Variants in GATAD1 observed in about 807,000 individuals in gnomAD.
The protein encoded by GATAD1 is GATA zinc finger domain-containing protein 1.
In GATAD1, 12 loss-of-function variants were observed where a neutral mutation model predicts 26.5. The observed-to-expected ratio is 0.45, with a 90% CI of 0.29 to 0.73. The LOEUF is 0.73. GATAD1 is among the 30% of genes least tolerant of loss of function. GATAD1 has a pLI of 0.10. For synonymous variants in GATAD1, 129 were observed against 133.1 expected, an observed-to-expected ratio of 0.97 and a Z score of 0.21; for missense variants, 266 against 342.1, an observed-to-expected ratio of 0.78 and a Z score of 1.75.
the GATAD1 span, chr7:92,487,240 TA>T: frequency 3.1e-6 from 1 of 319,800 alleles, no homozygotes; most frequent in Non-Finnish European, 5.6e-6. Context: ...TTTTAGGAAA[TA>T]AAATATGGAA....
At chr7:92,468,046 G>T in the GATAD1 span, among the ~76,000 whole-genome samples, 1 of 152,196 alleles carries the variant, frequency 6.6e-6, no homozygotes, top group Non-Finnish European at 1.5e-5. Flanking sequence ...GGGGTTCTTG[G>T]CCTTATGGAT....
the GATAD1 span, chr7:92,494,120 A>G: frequency 1.6e-6 from 1 of 619,344 alleles, no homozygotes. Context: ...GGCCAAAAAA[A>G]GGCTTTGCAT....
At chr7:92,485,145 A>G in the GATAD1 span, among the ~76,000 whole-genome samples, 2 of 152,134 alleles carry the variant, frequency 1.3e-5, no homozygotes, top group African/African-American at 2.4e-5. Flanking sequence ...CAATGGTGGA[A>G]TGTCATCAGT....
the GATAD1 span, chr7:92,491,597 C>A: frequency 1.3e-6 from 1 of 765,446 alleles, no homozygotes; most frequent in Non-Finnish European, 2.2e-6. Context: ...TAGAGCAATA[C>A]AAGAAACTTA....
At chr7:92,483,870 A>G in the GATAD1 span, among the ~76,000 whole-genome samples, 3 of 152,048 alleles carry the variant, frequency 2.0e-5, no homozygotes, top group African/African-American at 4.8e-5. Context: ...CGGCCTGGTG[A>G]GGAGCAGCCT....
the GATAD1 span, among the ~76,000 whole-genome samples, chr7:92,486,090 G>A: frequency 2.6e-5 from 4 of 152,166 alleles, no homozygotes; most frequent in Admixed American, 2.6e-4. Flanking sequence ...AGAGTGCAGG[G>A]ATGTGGCCTC....
At chr7:92,449,403 G>C in intron 2 of GATAD1, 1 of 983,282 alleles carries the variant, frequency 1.0e-6, no homozygotes, top group South Asian at 4.7e-5. Context: ...TCTGCTCTAA[G>C]AAAAGAGATT....
At chr7:92,454,038 A>C (rs183526168) in intron 3 of GATAD1, 1 of 186,754 alleles carries the variant, frequency 5.4e-6, no homozygotes. Context: ...TGATGATGCT[A>C]TGTCAGTGTA....
chr7:92,466,448 A>T, the GATAD1 span, among the ~76,000 whole-genome samples: 1 of 152,228 alleles, frequency 6.6e-6, no homozygotes, highest in South Asian at 2.1e-4. Context: ...GGCATAAGCC[A>T]CCACACCCAG....
At chr7:92,451,479 G>C (rs1789427698) in intron 3 of GATAD1, among the ~76,000 whole-genome samples, 1 of 152,220 alleles carries the variant, frequency 6.6e-6, no homozygotes. Context: ...CTGTCATTTA[G>C]GGGACAGTGG....
chr7:92,456,337 A>C, intron 4 of GATAD1, 35 bp from the exon 5 acceptor site: 1 of 1,420,494 alleles, frequency 7.0e-7, no homozygotes, highest in Non-Finnish European at 9.8e-7. Flanking sequence ...ATATGGTCAA[A>C]AATGTATTTA....
chr7:92,469,909 A>C, the GATAD1 span: 1 of 778,748 alleles, frequency 1.3e-6, no homozygotes, highest in Non-Finnish European at 2.4e-6. Flanking sequence ...ATGGGTACGG[A>C]GGGTTTCATG....
chr7:92,483,995 A>T, the GATAD1 span, among the ~76,000 whole-genome samples: 1,853 of 152,166 alleles, frequency 0.012, 40 homozygotes, highest in African/African-American at 0.043. Flanking sequence ...ATTTGGGATG[A>T]GTCGCATTGG....
rs1789834014 is a variant in GATAD1 at position 92,459,444 on chromosome 7, A to G, written c.*2882A>G. On this transcript the variant is annotated 3_prime_UTR_variant, in exon 5 of 5. Transcript: ENST00000287957. ...AATTTCACCCAGTGTGATGGTTCCC[A>G]TTGCTTATATTTCTCCTGCTGAGGC... The G allele has an allele frequency of 1.3e-5, 2 of 152,088 alleles. No homozygotes were observed. Among genetic ancestry groups the G allele is most frequent in the Admixed American group, 1.3e-4 (2 of 15,270 alleles). 9.4% of individuals were successfully genotyped at this position (152,088 alleles called of 1,614,324 possible). A position where few individuals can be genotyped will look rare whatever the true frequency, so the allele number is the denominator to read the frequency against.
chr7:92,485,545 A>C, the GATAD1 span, among the ~76,000 whole-genome samples: 1 of 152,212 alleles, frequency 6.6e-6, no homozygotes, highest in African/African-American at 2.4e-5. Flanking sequence ...TCTTGCCATG[A>C]ATCTTCTTTT....
the GATAD1 span, chr7:92,470,574 T>C: frequency 1.9e-6 from 1 of 520,664 alleles, no homozygotes; most frequent in Non-Finnish European, 3.4e-6. Flanking sequence ...TTGGGGTAGA[T>C]AAAATGACTG....
intron 1 of GATAD1, 22 bp from the exon 2 acceptor site, chr7:92,448,730 C>G (rs1455546801): frequency 6.2e-7 from 1 of 1,600,628 alleles, no homozygotes; most frequent in East Asian, 2.2e-5. Flanking sequence ...TCTTTTTGTT[C>G]TTTAATTTGT....
At chr7:92,464,026 A>C (rs534085922), downstream of GATAD1, among the ~76,000 whole-genome samples, 1 of 152,340 alleles carries the variant, frequency 6.6e-6, no homozygotes, top group Non-Finnish European at 1.5e-5. Flanking sequence ...TCTTTAAAAA[A>C]TAGATATATA....
At chr7:92,451,260 A>G (rs1028703261) in intron 3 of GATAD1, among the ~76,000 whole-genome samples, 1 of 152,202 alleles carries the variant, frequency 6.6e-6, no homozygotes, top group Non-Finnish European at 1.5e-5. Flanking sequence ...GAGGAATTCC[A>G]AGATGTTTTG....
Sources: gnomAD v4.1 joint callset for allele counts (sites outside exome capture counted in the v4.1 genomes callset) on GRCh38, gnomAD v4.1.1 for gene constraint, MANE v1.5 for transcripts, NCBI Gene and HGNC (gene_info 2026-07-23, HGNC 2026-07-21) for gene names.